PCDH11X: variants seen among roughly 807,000 people sequenced by gnomAD.
The protein encoded by PCDH11X is protocadherin-11 X-linked.
In PCDH11X, 18 loss-of-function variants were observed where a neutral mutation model predicts 53.3. The ratio of observed to expected loss-of-function variants is 0.34; its 90% CI spans 0.23 to 0.50. The LOEUF is 0.50. Among genes scored for constraint, PCDH11X ranks in the 20% least tolerant of loss-of-function variants. The pLI is 0.98. For synonymous variants in PCDH11X, 279 were observed against 393.3 expected (o/e 0.71, Z 3.44); for missense variants, 570 against 1,032.4 (o/e 0.55, Z 6.14).
At chrX:92,437,376 G>A (rs773274385) in intron 9 of PCDH11X, among the ~76,000 whole-genome samples, 15 of 111,428 alleles carry the variant, frequency 1.3e-4, no homozygotes, top group African/African-American at 4.9e-4. Context: ...GAGCTTCAGT[G>A]GATCTCTACT....
intron 6 of PCDH11X, among the ~76,000 whole-genome samples, chrX:92,101,306 G>A (rs980874237): frequency 3.6e-5 from 4 of 111,270 alleles, no homozygotes; most frequent in African/African-American, 6.6e-5. Flanking sequence ...ATGAGACTGC[G>A]GCCTAATAAA....
intron 6 of PCDH11X, among the ~76,000 whole-genome samples, chrX:92,142,466 G>A (rs113086609): frequency 0.039 from 4,282 of 108,544 alleles, 193 homozygotes; most frequent in African/African-American, 0.13. Flanking sequence ...GTGATCTGCC[G>A]GCCTCAGCCT....
chrX:92,000,297 A>C lies in PCDH11X; in HGVS notation c.3033+121024A>C, dbSNP rs2062488207. Among the ~76,000 whole-genome samples the C allele has an allele frequency of 6.3e-5, 7 of 111,886 alleles. No individual in the cohort carries two copies. In the Admixed American group the frequency reaches 6.7e-4, roughly 11 times the overall value. ...TCCCATTTTCACATACGGATTTGCC[A>C]AGGTGCCAGTGGACTGGGTTCTGGT... On this transcript the variant is annotated intron_variant, in intron 6 of 10. Coordinates refer to ENST00000682573, the MANE Select transcript of PCDH11X (RefSeq NM_032968.5).
At chrX:91,990,633 G>T (rs1350257851) in intron 6 of PCDH11X, among the ~76,000 whole-genome samples, 4 of 110,194 alleles carry the variant, frequency 3.6e-5, no homozygotes, top group African/African-American at 1.3e-4. Flanking sequence ...TGAGAAAGGG[G>T]GCACTGCCTC....
chrX:92,554,348 A>T (rs1467856698), intron 10 of PCDH11X, among the ~76,000 whole-genome samples: 1 of 101,467 alleles, frequency 9.9e-6, no homozygotes, highest in East Asian at 3.1e-4. Flanking sequence ...TTACAGCTAA[A>T]CACTAAAATT....
At chrX:91,912,001 T>C (rs1941387402) in intron 6 of PCDH11X, among the ~76,000 whole-genome samples, 1 of 111,780 alleles carries the variant, frequency 8.9e-6, no homozygotes, top group Non-Finnish European at 1.9e-5. Flanking sequence ...ATCTTTAACT[T>C]CTTTAAATTA....
intron 1 of PCDH11X, among the ~76,000 whole-genome samples, chrX:91,798,758 T>C (rs1180429387): frequency 1.8e-5 from 2 of 111,165 alleles, no homozygotes; most frequent in African/African-American, 6.5e-5. Context: ...TATCACTTTG[T>C]TACTTGAAAA....
Position 92,621,492 on chromosome X carries a change from T to TA in PCDH11X, c.*2553dup, listed in dbSNP as rs1306507387. On this transcript the variant is annotated 3_prime_UTR_variant, in exon 11 of 11. Transcript: ENST00000682573. ...GACTGGGCACCCTCTTCTTGGTTTTTACCAGAGAGGCTTTGAATGGAAGCA... is the reference window on the plus strand; with the variant it reads ...GACTGGGCACCCTCTTCTTGGTTTTTAACCAGAGAGGCTTTGAATGGAAGCA... 3.6e-5 allele frequency: 4 copies of TA among 109,998 alleles called. No homozygotes were observed. Among genetic ancestry groups the TA allele is most frequent in the African/African-American group, 1.3e-4 (4 of 30,147 alleles). 9.1% of individuals were successfully genotyped at this position (109,998 alleles called of 1,213,427 possible). A position where few individuals can be genotyped will look rare whatever the true frequency, so the allele number is the denominator to read the frequency against.
intron 6 of PCDH11X, among the ~76,000 whole-genome samples, chrX:92,009,956 C>T (rs1050501671): frequency 1.2e-4 from 13 of 110,510 alleles, no homozygotes; most frequent in African/African-American, 2.6e-4. Context: ...CTGCCTGCCT[C>T]GGCCTCCCAA....
At chrX:92,021,486 G>A (rs1025115372) in intron 6 of PCDH11X, among the ~76,000 whole-genome samples, 6 of 110,281 alleles carry the variant, frequency 5.4e-5, no homozygotes, top group Non-Finnish European at 1.1e-4. Flanking sequence ...TAAAGAAATG[G>A]AACGAACAAA....
At chrX:92,556,143 T>C (rs745583028) in intron 10 of PCDH11X, among the ~76,000 whole-genome samples, 1 of 111,810 alleles carries the variant, frequency 8.9e-6, no homozygotes, top group South Asian at 3.8e-4. Flanking sequence ...GTAGGGATCA[T>C]GAGAACAATA....
At chrX:92,023,098 A>T (rs1459451038) in intron 6 of PCDH11X, among the ~76,000 whole-genome samples, 1 of 110,040 alleles carries the variant, frequency 9.1e-6, no homozygotes, top group African/African-American at 3.3e-5. Context: ...TAACATTGCA[A>T]TAAAAAGAGG....
intron 10 of PCDH11X, among the ~76,000 whole-genome samples, chrX:92,608,595 G>A (rs1465737224): frequency 1.8e-5 from 2 of 109,547 alleles, no homozygotes; most frequent in Admixed American, 9.8e-5. Flanking sequence ...AATATTTCAA[G>A]CAGTGAGTCC....
chrX:92,590,838 C>T (rs1185608103), intron 10 of PCDH11X, among the ~76,000 whole-genome samples: 1 of 110,571 alleles, frequency 9.0e-6, no homozygotes. Flanking sequence ...AGAGAAGCCT[C>T]CTTATTTGTC....
At chrX:92,475,474 G>C (rs1331013266) in intron 10 of PCDH11X, among the ~76,000 whole-genome samples, 1 of 111,340 alleles carries the variant, frequency 9.0e-6, no homozygotes, top group African/African-American at 3.3e-5. Context: ...TTTTTCTCCA[G>C]CACTTCTTTA....
intron 6 of PCDH11X, among the ~76,000 whole-genome samples, chrX:92,165,806 A>G (rs1464674025): frequency 9.0e-6 from 1 of 111,710 alleles, no homozygotes; most frequent in Non-Finnish European, 1.9e-5. Context: ...TTGCATTTCT[A>G]GTACTTCCTG....
intron 6 of PCDH11X, among the ~76,000 whole-genome samples, chrX:91,930,941 A>T (rs1265805083): frequency 9.2e-6 from 1 of 108,614 alleles, no homozygotes; most frequent in African/African-American, 3.3e-5. Flanking sequence ...TTCTGTAGCC[A>T]CTCCTATGGT....
At chrX:92,374,773 G>A (rs35782031) in intron 8 of PCDH11X, among the ~76,000 whole-genome samples, 11,494 of 109,875 alleles carry the variant, frequency 0.1, 465 homozygotes, top group South Asian at 0.12. Flanking sequence ...AAATGTCTTC[G>A]GAATTCAATT....
chrX:92,084,916 T>C (rs2148108842), intron 6 of PCDH11X, among the ~76,000 whole-genome samples: 1 of 110,825 alleles, frequency 9.0e-6, no homozygotes, highest in South Asian at 3.8e-4. Context: ...TCTTTATTGA[T>C]ATAAGAGAAA....
Sources: allele counts gnomAD v4.1 joint callset (sites outside exome capture counted in the v4.1 genomes callset), GRCh38; gene constraint gnomAD v4.1.1; transcripts MANE v1.5; gene names NCBI Gene and HGNC (gene_info 2026-07-23, HGNC 2026-07-21).